Variants in TMEM232 observed in about 807,000 individuals in gnomAD.
TMEM232 encodes the protein transmembrane protein 232.
Under a neutral mutation model 78.8 loss-of-function variants are expected in TMEM232, and 80 were observed. The observed-to-expected ratio is 1.01, with a 90% CI of 0.85 to 1.22. TMEM232 has a LOEUF of 1.22. TMEM232 is among the 50% of genes most tolerant of loss of function. TMEM232 has a pLI of 0.00. For synonymous variants in TMEM232, 297 were observed against 254.3 expected, an observed-to-expected ratio of 1.17 and a Z score of -1.60; for missense variants, 881 against 742.2, an observed-to-expected ratio of 1.19 and a Z score of -2.17.
chr5:110,587,274 A>G (rs930294716), intron 10 of TMEM232, among the ~76,000 whole-genome samples: 2 of 152,104 alleles, frequency 1.3e-5, no homozygotes, highest in Admixed American at 1.3e-4. Flanking sequence ...CACCAGGTGA[A>G]TATTAAAATA....
intron 1 of TMEM232, among the ~76,000 whole-genome samples, chr5:110,713,881 T>C (rs1199873062): frequency 2.6e-5 from 4 of 152,182 alleles, no homozygotes; most frequent in Admixed American, 2.0e-4. Flanking sequence ...AGGAACAGTC[T>C]TGATGGGAAA....
chr5:110,724,109 A>T (rs1270239758), intron 1 of TMEM232, among the ~76,000 whole-genome samples: 1 of 152,178 alleles, frequency 6.6e-6, no homozygotes, highest in Admixed American at 6.5e-5. Context: ...GTTCAAACCT[A>T]TTTCTTCAGT....
At chr5:110,648,432 A>G (rs886290559) in intron 2 of TMEM232, among the ~76,000 whole-genome samples, 10 of 152,090 alleles carry the variant, frequency 6.6e-5, no homozygotes, top group Non-Finnish European at 1.5e-4. Flanking sequence ...TGTCCTATGT[A>G]CCAGGGAACA....
At chr5:110,438,865 T>TA (rs1462411268) in intron 12 of TMEM232, among the ~76,000 whole-genome samples, 1 of 152,138 alleles carries the variant, frequency 6.6e-6, no homozygotes, top group African/African-American at 2.4e-5. Context: ...TCCTGGAAAC[T>TA]AAAAGTTTTC....
intron 12 of TMEM232, among the ~76,000 whole-genome samples, chr5:110,506,277 GT>G (rs1188321275): frequency 6.6e-6 from 1 of 151,916 alleles, no homozygotes; most frequent in African/African-American, 2.4e-5. Context: ...GGTTGTTTTT[GT>G]TTGTTTTGTT....
At chr5:110,414,444 T>C (rs1756113105) in intron 2 of TMEM232, among the ~76,000 whole-genome samples, 1 of 151,360 alleles carries the variant, frequency 6.6e-6, no homozygotes, top group Non-Finnish European at 1.5e-5. Context: ...TAATTCTATC[T>C]CTATCTATAT....
intron 1 of TMEM232, among the ~76,000 whole-genome samples, chr5:110,691,909 T>C (rs1794157689): frequency 6.6e-6 from 1 of 152,180 alleles, no homozygotes. Flanking sequence ...GAACACATTC[T>C]CAATTCTTTT....
At chr5:110,573,377 T>C (rs1439128232) in intron 10 of TMEM232, among the ~76,000 whole-genome samples, 1 of 152,018 alleles carries the variant, frequency 6.6e-6, no homozygotes, top group Admixed American at 6.6e-5. Context: ...AAATGTAGAA[T>C]GTGGTTCAAA....
At chr5:110,671,832 T>C (rs984011111) in intron 1 of TMEM232, among the ~76,000 whole-genome samples, 4 of 152,168 alleles carry the variant, frequency 2.6e-5, no homozygotes, top group African/African-American at 9.6e-5. Flanking sequence ...CACCATGGCA[T>C]GTACATACCT....
chr5:110,598,150 C>T (rs992359043), intron 10 of TMEM232, among the ~76,000 whole-genome samples: 1 of 151,232 alleles, frequency 6.6e-6, no homozygotes, highest in African/African-American at 2.4e-5. Context: ...CTACAATGAA[C>T]TCAAATTTAC....
intron 2 of TMEM232, among the ~76,000 whole-genome samples, chr5:110,402,786 T>C (rs73217186): frequency 0.032 from 4,862 of 152,160 alleles, 266 homozygotes; most frequent in African/African-American, 0.11. Context: ...GAATGACACT[T>C]GTCCCTAGGG....
intron 8 of TMEM232, among the ~76,000 whole-genome samples, chr5:110,609,840 A>T (rs1162843448): frequency 6.6e-6 from 1 of 152,120 alleles, no homozygotes; most frequent in Non-Finnish European, 1.5e-5. Flanking sequence ...AGAAGAGGGA[A>T]CTATATAAGA....
chr5:110,562,710 C>A (rs528399346), intron 11 of TMEM232, among the ~76,000 whole-genome samples: 52 of 152,178 alleles, frequency 3.4e-4, no homozygotes, highest in African/African-American at 1.2e-3. Flanking sequence ...GCACAGAATT[C>A]AGCTAGGCTG....
chr5:110,499,646 C>CATAT (rs1233546083), intron 12 of TMEM232, among the ~76,000 whole-genome samples: 22 of 145,080 alleles, frequency 1.5e-4, no homozygotes, highest in African/African-American at 2.4e-4. Flanking sequence ...CACACACACA[C>CATAT]ATATATATAT....
chr5:110,532,092 T>C (rs1771579123), intron 11 of TMEM232, among the ~76,000 whole-genome samples: 1 of 151,726 alleles, frequency 6.6e-6, no homozygotes, highest in Admixed American at 6.6e-5. Flanking sequence ...CTCCAGAACC[T>C]CCTCCCCCAG....
At chr5:110,623,978 G>C (rs569416525) in intron 7 of TMEM232, among the ~76,000 whole-genome samples, 164 of 152,248 alleles carry the variant, frequency 1.1e-3, no homozygotes, top group Non-Finnish European at 1.9e-3. Flanking sequence ...TTCAGGCTGA[G>C]CTGTACAGCA....
intron 2 of TMEM232, among the ~76,000 whole-genome samples, chr5:110,655,714 T>C (rs1788943257): frequency 6.6e-6 from 1 of 151,650 alleles, no homozygotes; most frequent in Non-Finnish European, 1.5e-5. Flanking sequence ...CACCATGGAA[T>C]ACTATGCAGC....
At chr5:110,389,833 A>T (rs1755115087) in intron 4 of TMEM232, among the ~76,000 whole-genome samples, 1 of 152,208 alleles carries the variant, frequency 6.6e-6, no homozygotes, top group Admixed American at 6.5e-5. Context: ...GCTCAGATTC[A>T]TTCGTTTCTT....
rs367732941 is a variant in TMEM232, at chr5:110,671,687, T to A, written c.-12-4323A>T. On this transcript the variant is annotated intron_variant, in intron 1 of 13. Coordinates refer to ENST00000455884, the MANE Select transcript of TMEM232 (RefSeq NM_001039763.4). ...GCGTATTCTCACTCATAAGTGGGAG[T>A]TGAACACTGAGAACACATGGATACA... Among the ~76,000 whole-genome samples, 6 of 151,708 alleles carry A rather than the reference T, an allele frequency of 4.0e-5. No individual in the cohort carries two copies. In the South Asian group the frequency reaches 1.0e-3, roughly 26 times the overall value.
Sources: allele counts gnomAD v4.1 joint callset (sites outside exome capture counted in the v4.1 genomes callset), GRCh38; gene constraint gnomAD v4.1.1; transcripts MANE v1.5; gene names NCBI Gene and HGNC (gene_info 2026-07-23, HGNC 2026-07-21).